Variants in ARPC5 observed in about 807,000 individuals in gnomAD.
ARPC5 encodes the protein actin related protein 2/3 complex subunit 5, also known as actin-related protein 2/3 complex subunit 5.
A neutral mutation model predicts 15.4 loss-of-function variants in ARPC5; 5 were observed. That is an observed-to-expected ratio of 0.32 (90% CI 0.17 to 0.68). The LOEUF (loss-of-function observed/expected upper bound fraction) is 0.68. Among genes scored for constraint, ARPC5 ranks in the 30% least tolerant of loss-of-function variants. The pLI is 0.71. For missense variants in ARPC5, 138 were observed against 192.8 expected (o/e 0.72, Z 1.68); for synonymous variants, 85 against 72.2 (o/e 1.18, Z -0.90).
intron 3 of ARPC5, 37 bp from the exon 4 acceptor site, chr1:183,627,631 A>G: frequency 6.6e-7 from 1 of 1,520,480 alleles, no homozygotes; most frequent in Non-Finnish European, 9.1e-7. Context: ...TGACAGAATA[A>G]TAAAAGGTCA....
chr1:183,623,529 G>A lies in ARPC5; in HGVS notation c.*4003C>T. On this transcript the variant is annotated 3_prime_UTR_variant, in exon 4 of 4. Transcript: ENST00000359856. ...CATATTGTACTAGTGACATTGGGGT[G>A]AGGGGGAGAGGGAGTGGGGCAGAGG... The A allele has an allele frequency of 6.5e-7, 1 of 1,549,830 alleles. No homozygotes were observed. The highest frequency in any genetic ancestry group is 1.2e-5 in the South Asian group (1 of 84,028).
At chr1:183,634,053 A>G (rs935040646) in intron 1 of ARPC5, 3 of 152,256 alleles carry the variant, frequency 2.0e-5, no homozygotes, top group African/African-American at 4.8e-5. Flanking sequence ...CAGCAGTACC[A>G]TTTAAAAGTC....
chr1:183,628,307 C>T (rs1430952956), intron 3 of ARPC5, among the ~76,000 whole-genome samples: 2 of 152,050 alleles, frequency 1.3e-5, no homozygotes, highest in East Asian at 3.9e-4. Flanking sequence ...ATCCCAACTT[C>T]CACTTCGATT....
intron 1 of ARPC5, among the ~76,000 whole-genome samples, chr1:183,634,772 T>C (rs12038024): frequency 0.082 from 12,477 of 152,178 alleles, 1,012 homozygotes; most frequent in African/African-American, 0.21. Context: ...CATTCCCCGT[T>C]GTTTTTTCTA....
intron 1 of ARPC5, chr1:183,633,854 A>T (rs532560573): frequency 3.3e-5 from 5 of 152,230 alleles, no homozygotes; most frequent in Admixed American, 2.0e-4. Context: ...TGAGAAACAG[A>T]AGGCCAATCA....
At chr1:183,630,868 G>A in intron 2 of ARPC5, 1 of 423,446 alleles carries the variant, frequency 2.4e-6, no homozygotes, top group Non-Finnish European at 4.2e-6. Context: ...GGAGTGGATT[G>A]GTGGGAGAAA....
rs71632188 is a variant in ARPC5, at chr1:183,623,537, G to A, written c.*3995C>T. On this transcript the variant is annotated 3_prime_UTR_variant, in exon 4 of 4. Transcript: ENST00000359856. ...ACTAGTGACATTGGGGTGAGGGGGA[G>A]AGGGAGTGGGGCAGAGGTCCCGCGG... 8.4e-6 allele frequency: 13 copies of A among 1,549,300 alleles called. No homozygotes were observed. Among genetic ancestry groups the A allele is most frequent in the Non-Finnish European group, 1.1e-5 (13 of 1,146,254 alleles).
intron 2 of ARPC5, chr1:183,632,514 T>C (rs531788922): frequency 1.4e-4 from 21 of 152,330 alleles, no homozygotes; most frequent in Admixed American, 1.2e-3. Flanking sequence ...GTGTTAAAAA[T>C]GCTATAAACT....
In ARPC5 at chr1:183,630,592, C is replaced by T; in HGVS notation, c.262G>A (p.Ala88Thr). The change falls in exon 3 of 4, where the codon GCT (alanine) becomes ACT (threonine). Residue 88 changes from alanine (A) to threonine (T), a missense_variant. This residue lies in a region of ARPC5 where 121 missense variants were observed against 153.7 expected (regional missense o/e 0.79). Transcript: ENST00000359856. Reference protein sequence around the residue: ...IVLKVLISFKANDIEKAVQSL... With the variant: ...IVLKVLISFKTNDIEKAVQSL... ...TGAACTGCCTTTTCTATATCATTAG[C>T]TTTAAAAGAGATGAGCACCTTCAAG... 1.9e-6 allele frequency: 3 copies of T among 1,614,068 alleles called. No individual in the cohort carries two copies. Among genetic ancestry groups the T allele is most frequent in the Non-Finnish European group, 2.5e-6 (3 of 1,179,986 alleles).
intron 1 of ARPC5, chr1:183,633,898 G>A (rs1649339436): frequency 6.6e-6 from 1 of 152,108 alleles, no homozygotes; most frequent in Non-Finnish European, 1.5e-5. Flanking sequence ...CCCCTAAAAG[G>A]AAAACCACAG....
Position 183,626,947 on chromosome 1 carries a change from C to G in ARPC5, c.*585G>C, listed in dbSNP as rs915878726. 6.6e-6 allele frequency: 1 copy of G among 152,576 alleles called. No individual in the cohort carries two copies. Among genetic ancestry groups the G allele is most frequent in the Non-Finnish European group, 1.5e-5 (1 of 68,152 alleles). 9.5% of individuals were successfully genotyped at this position (152,576 alleles called of 1,614,324 possible). On this transcript the variant is annotated 3_prime_UTR_variant, in exon 4 of 4. Transcript: ENST00000359856. The stretch of plus-strand genomic sequence containing the variant: ...TTGGATGCTGAGAGAAAGTAGCATA[C>G]TTAAACCCACAGTACAGATAATCAG...
Position 183,627,397 on chromosome 1 carries a change from TACAGA to T in ARPC5, c.*130_*134del. The T allele has an allele frequency of 5.4e-6, 4 of 740,670 alleles. No individual in the cohort carries two copies. The highest frequency in any genetic ancestry group is 4.4e-5 in the Admixed American group (2 of 44,962). The allele number at this position is 740,670 out of a possible 1,614,324, so 45.9% of individuals were successfully genotyped here. ...ACAACTGATATGTAATTTTTTTCTT[TACAGA>T]TATGAAAAAGCAAGAAGGCAAAGCT... On this transcript the variant is annotated 3_prime_UTR_variant, in exon 4 of 4. Coordinates refer to ENST00000359856, the MANE Select transcript of ARPC5 (RefSeq NM_005717.4).
At chr1:183,629,387 G>T (rs1459930021) in intron 3 of ARPC5, among the ~76,000 whole-genome samples, 3 of 152,116 alleles carry the variant, frequency 2.0e-5, no homozygotes, top group Non-Finnish European at 2.9e-5. Context: ...TTAATAGTAT[G>T]GTACCTGGCA....
rs1024117615 is a variant in ARPC5 at position 183,624,519 on chromosome 1, C to A, written c.*3013G>T. Reference sequence around the variant, plus strand: ...GAGCGAGACTCTGTCTCAAAAAAAACAAAACAAAACAAAACAAAACAAAAC... The same window carrying A: ...GAGCGAGACTCTGTCTCAAAAAAAAAAAAACAAAACAAAACAAAACAAAAC... On this transcript the variant is annotated 3_prime_UTR_variant, in exon 4 of 4. Transcript: ENST00000359856. The A allele has an allele frequency of 6.0e-5, 2 of 33,398 alleles. No individual in the cohort carries two copies. Among genetic ancestry groups the A allele is most frequent in the Non-Finnish European group, 1.1e-4 (2 of 17,734 alleles). 2.1% of individuals were successfully genotyped at this position (33,398 alleles called of 1,614,324 possible).
chr1:183,634,087 T>C (rs1649345522), intron 1 of ARPC5: 1 of 152,236 alleles, frequency 6.6e-6, no homozygotes, highest in Non-Finnish European at 1.5e-5. Context: ...TAAAATACAC[T>C]GGGGTTTCAT....
intron 2 of ARPC5, 135 bp downstream of exon 2, chr1:183,632,947 A>G: frequency 1.5e-6 from 1 of 674,534 alleles, no homozygotes; most frequent in African/African-American, 1.9e-5. Flanking sequence ...ATTTTTACCT[A>G]TCAAACTACA....
At chr1:183,629,448 G>A (rs938812645) in intron 3 of ARPC5, among the ~76,000 whole-genome samples, 2 of 152,108 alleles carry the variant, frequency 1.3e-5, no homozygotes, top group Non-Finnish European at 2.9e-5. Context: ...ACCCAAATTG[G>A]TGCATTTTAG....
Position 183,625,961 on chromosome 1 carries a change from A to ATAC in ARPC5, c.*1568_*1570dup, listed in dbSNP as rs1430574759. 1.3e-5 allele frequency: 2 copies of ATAC among 152,222 alleles called. No homozygotes were observed. Among genetic ancestry groups the ATAC allele is most frequent in the African/African-American group, 4.8e-5 (2 of 41,448 alleles). The allele number at this position is 152,222 out of a possible 1,614,324, so 9.4% of individuals were successfully genotyped here. A position where few individuals can be genotyped will look rare whatever the true frequency, so the allele number is the denominator to read the frequency against. ...TTCTAGTCTAGGTCTTTGGGCAGTGATACTACATATAGGTATTCAGCTGCC... is the reference window on the plus strand; with the variant it reads ...TTCTAGTCTAGGTCTTTGGGCAGTGATACTACTACATATAGGTATTCAGCTGCC... On this transcript the variant is annotated 3_prime_UTR_variant, in exon 4 of 4. Coordinates refer to ENST00000359856, the MANE Select transcript of ARPC5 (RefSeq NM_005717.4).
intron 3 of ARPC5, among the ~76,000 whole-genome samples, chr1:183,628,491 G>C (rs1042147604): frequency 6.6e-6 from 1 of 152,168 alleles, no homozygotes; most frequent in East Asian, 1.9e-4. Flanking sequence ...GAATACCTTT[G>C]TATACTGAGT....
Sources: gnomAD v4.1 joint callset for allele counts (sites outside exome capture counted in the v4.1 genomes callset) on GRCh38, gnomAD v4.1.1 for gene constraint, gnomAD v4.1.1 regional missense constraint, MANE v1.5 for transcripts, NCBI Gene and HGNC (gene_info 2026-07-23, HGNC 2026-07-21) for gene names.